The following CTNNA2 variants were observed in gnomAD, a reference collection of about 807,000 sequenced individuals.
The protein encoded by CTNNA2 is catenin alpha 2, also known as catenin alpha-2.
A neutral mutation model predicts 101.0 loss-of-function variants in CTNNA2; 42 were observed. The observed-to-expected ratio is 0.42, with a 90% CI of 0.32 to 0.54. The LOEUF (loss-of-function observed/expected upper bound fraction) is 0.54, where lower values mean the gene tolerates loss of function less well. Ranked by LOEUF, CTNNA2 falls within the 20% of genes least tolerant of loss-of-function variation. CTNNA2 has a pLI of 0.14. For synonymous variants in CTNNA2, 450 were observed against 456.4 expected (o/e 0.99, Z 0.18); for missense variants, 871 against 1,223.1 (o/e 0.71, Z 4.29).
At chr2:79,999,573 C>T (rs188926410) in intron 7 of CTNNA2, among the ~76,000 whole-genome samples, 2 of 152,296 alleles carry the variant, frequency 1.3e-5, no homozygotes, top group African/African-American at 4.8e-5. Context: ...CTGTGCTTGA[C>T]GCTCTTCTAT....
chr2:80,132,868 G>A (rs1039762049), intron 7 of CTNNA2, among the ~76,000 whole-genome samples: 1 of 152,118 alleles, frequency 6.6e-6, no homozygotes, highest in Non-Finnish European at 1.5e-5. Context: ...ATTATTAGAT[G>A]TTATAATAAT....
At position 79,886,680 on chromosome 2, in the gene CTNNA2, G is replaced by A. The variant is rs561171244; in HGVS notation, c.852+12338G>A. ...GTAGGAGAATGGCATGAACCCGGGAGGCAGAGCTTGCAGTGAGCTGAGATC... is the reference window on the plus strand; with the variant it reads ...GTAGGAGAATGGCATGAACCCGGGAAGCAGAGCTTGCAGTGAGCTGAGATC... On this transcript the variant is annotated intron_variant, in intron 6 of 18. Transcript: ENST00000402739. 9.6e-5 allele frequency among the ~76,000 whole-genome samples: 13 copies of A among 135,210 alleles called. No homozygotes were observed. The East Asian group carries it at 3.1e-3, about 32-fold the overall frequency. The allele number at this position is 135,210 out of a possible 152,430, so 88.7% of individuals were successfully genotyped here. A position where few individuals can be genotyped will look rare whatever the true frequency, so the allele number is the denominator to read the frequency against.
chr2:79,922,742 A>G (rs995171773), intron 7 of CTNNA2, among the ~76,000 whole-genome samples: 8 of 151,800 alleles, frequency 5.3e-5, no homozygotes, highest in South Asian at 2.1e-4. Context: ...GATGAAAATG[A>G]GTAGCATGCT....
chr2:79,847,584 T>C (rs1266416338), intron 3 of CTNNA2, among the ~76,000 whole-genome samples: 2 of 108,492 alleles, frequency 1.8e-5, no homozygotes, highest in African/African-American at 3.0e-5. Context: ...CTAGAACAAA[T>C]TGGAGTGGTT....
Position 79,380,260 on chromosome 2 carries a change from C to CTT in CTNNA2, c.-135+6257_-135+6258dup, listed in dbSNP as rs34858563. Among the ~76,000 whole-genome samples the CTT allele has an allele frequency of 2.7e-3, 392 of 147,222 alleles. 1 individual carries two copies. The highest frequency in any genetic ancestry group is 6.4e-3 in the African/African-American group (256 of 40,270). On this transcript the variant is annotated intron_variant, in intron 4 of 21. Transcript: ENST00000466387. ...TTGAAGATTTTCTGTTCTTTTCTTT[C>CTT]TTTTTTTTTTTCCGTGACTAAGAAT...
rs1677089683 is a variant in CTNNA2, at chr2:79,339,920, T to C, written c.-318+27124T>C. 2 of 152,258 alleles carry C rather than the reference T, an allele frequency of 1.3e-5. 1 individual carries two copies. Among genetic ancestry groups the C allele is most frequent in the South Asian group, 4.1e-4 (2 of 4,834 alleles). The allele number at this position is 152,258 out of a possible 1,614,324, so 9.4% of individuals were successfully genotyped here. Reference sequence around the variant, plus strand: ...TTCAAATAAGATGTTTTCTATCAACTCATTGGCATTTGTTGTTTCTTACCC... The same window carrying C: ...TTCAAATAAGATGTTTTCTATCAACCCATTGGCATTTGTTGTTTCTTACCC... On this transcript the variant is annotated intron_variant, in intron 3 of 21. Coordinates refer to the CTNNA2 transcript ENST00000466387.
chr2:80,626,707 A>C (rs1671716163), intron 18 of CTNNA2, among the ~76,000 whole-genome samples: 1 of 151,982 alleles, frequency 6.6e-6, no homozygotes, highest in Non-Finnish European at 1.5e-5. Context: ...TGGAAATCAA[A>C]ATCTATTCTT....
At chr2:80,445,564 C>T (rs900587048) in intron 9 of CTNNA2, among the ~76,000 whole-genome samples, 4 of 152,084 alleles carry the variant, frequency 2.6e-5, no homozygotes, top group African/African-American at 7.2e-5. Context: ...ATAAGAGTCA[C>T]CAAGGGGAAC....
At chr2:80,491,373 C>G (rs1238019654) in intron 9 of CTNNA2, among the ~76,000 whole-genome samples, 1 of 152,180 alleles carries the variant, frequency 6.6e-6, no homozygotes, top group Admixed American at 6.5e-5. Context: ...TGATCACCGT[C>G]TTTGAAGACA....
In CTNNA2 at chr2:80,393,227, AAGG is replaced by A; in HGVS notation, c.1076_1078del (p.Gly359del). ...TCTTAATAGACTGGAAGGAAAGAAAAAGGAGATCCTCTCAACATTGCGATTGAT... is the reference window on the plus strand; with the variant it reads ...TCTTAATAGACTGGAAGGAAAGAAAAAGATCCTCTCAACATTGCGATTGAT... On this transcript the variant is annotated inframe_deletion, in exon 8 of 19. Coordinates refer to ENST00000402739, the MANE Select transcript of CTNNA2 (RefSeq NM_001282597.3). 6.2e-7 allele frequency: 1 copy of A among 1,609,262 alleles called. No homozygotes were observed. The highest frequency in any genetic ancestry group is 8.5e-7 in the Non-Finnish European group (1 of 1,177,728).
intron 3 of CTNNA2, among the ~76,000 whole-genome samples, chr2:79,364,639 T>C (rs1197703907): frequency 6.6e-6 from 1 of 152,276 alleles, no homozygotes; most frequent in South Asian, 2.1e-4. Flanking sequence ...TTGAATAAAG[T>C]CTAAAGTAAA....
chr2:79,826,308 A>G (rs76600142), intron 3 of CTNNA2, among the ~76,000 whole-genome samples: 2,252 of 152,350 alleles, frequency 0.015, 42 homozygotes, highest in East Asian at 0.04. Context: ...GCCCATAACA[A>G]AATTCGATAA....
intron 7 of CTNNA2, chr2:80,028,233 C>T (rs1695067532): frequency 6.6e-6 from 1 of 151,948 alleles, no homozygotes; most frequent in South Asian, 2.1e-4. Flanking sequence ...GTCTTTTTTT[C>T]CTCCCTCTTC....
intron 7 of CTNNA2, among the ~76,000 whole-genome samples, chr2:80,049,004 A>G (rs759955340): frequency 1.3e-5 from 2 of 152,142 alleles, no homozygotes; most frequent in Non-Finnish European, 2.9e-5. Context: ...GAACCAAGTC[A>G]TTAGGGGCTA....
chr2:79,600,466 C>T lies in CTNNA2; in HGVS notation c.-5-51086C>T, dbSNP rs747131369. Among the ~76,000 whole-genome samples the T allele has an allele frequency of 2.6e-5, 4 of 152,040 alleles. 1 individual carries two copies. Among genetic ancestry groups the T allele is most frequent in the Non-Finnish European group, 5.9e-5 (4 of 68,006 alleles). On this transcript the variant is annotated intron_variant, in intron 1 of 18. Coordinates refer to ENST00000402739, the MANE Select transcript of CTNNA2 (RefSeq NM_001282597.3). ...TGTTGGGATTACAGGTGTGAGTCAC[C>T]GCACCTGGCCACCCCTTGGTTGTTA...
chr2:79,806,341 G>A (rs1676570565), intron 3 of CTNNA2, among the ~76,000 whole-genome samples: 1 of 152,162 alleles, frequency 6.6e-6, no homozygotes, highest in South Asian at 2.1e-4. Context: ...CGTTTTGAAG[G>A]TGGAGAGAGA....
chr2:79,977,648 A>C (rs1489962727), intron 7 of CTNNA2, among the ~76,000 whole-genome samples: 1 of 152,152 alleles, frequency 6.6e-6, no homozygotes, highest in East Asian at 1.9e-4. Context: ...CAAACATACT[A>C]ACACTAATTG....
At chr2:80,327,599 T>G (rs934882092) in intron 7 of CTNNA2, among the ~76,000 whole-genome samples, 3 of 151,834 alleles carry the variant, frequency 2.0e-5, no homozygotes, top group African/African-American at 7.3e-5. Context: ...CATGTGAAAA[T>G]GTGAGCTGAC....
chr2:79,917,686 G>A (rs750832650), intron 7 of CTNNA2, among the ~76,000 whole-genome samples: 2 of 152,014 alleles, frequency 1.3e-5, no homozygotes, highest in Non-Finnish European at 2.9e-5. Context: ...ACTGTAATGC[G>A]ATCTTAGAGA....
Sources: gnomAD v4.1 joint callset for allele counts (sites outside exome capture counted in the v4.1 genomes callset) on GRCh38, gnomAD v4.1.1 for gene constraint, MANE v1.5 for transcripts, NCBI Gene and HGNC (gene_info 2026-07-23, HGNC 2026-07-21) for gene names.